ANK3: variants seen among roughly 807,000 people sequenced by gnomAD.
ANK3 encodes the protein ankyrin 3.
ANK3 carries 57 observed loss-of-function variants against 370.9 expected under a neutral mutation model. That is an observed-to-expected ratio of 0.15 (90% CI 0.12 to 0.19). The LOEUF (loss-of-function observed/expected upper bound fraction) is 0.19. Among genes scored for constraint, ANK3 ranks in the 10% least tolerant of loss-of-function variants. The pLI is 1.00. For synonymous variants in ANK3, 1,929 were observed against 1,946.3 expected (o/e 0.99, Z 0.23); for missense variants, 4,439 against 5,302.1 (o/e 0.84, Z 5.06).
chr10:60,601,522 G>A (rs1277584930), intron 2 of ANK3, among the ~76,000 whole-genome samples: 1 of 151,946 alleles, frequency 6.6e-6, no homozygotes, highest in Non-Finnish European at 1.5e-5. Flanking sequence ...AAATTGAGGG[G>A]TATTCAAACC....
intron 43 of ANK3, among the ~76,000 whole-genome samples, chr10:60,038,621 A>C (rs2075550460): frequency 6.6e-6 from 1 of 152,204 alleles, no homozygotes; most frequent in Admixed American, 6.5e-5. Flanking sequence ...AGCATCTATA[A>C]GGAATTTAAA....
Position 60,074,166 on chromosome 10 carries a change from G to C in ANK3, c.6715C>G (p.Arg2239Gly). The change falls in exon 37 of 44, where the codon CGT becomes GGT. Residue 2239 changes from arginine (R) to glycine (G), a missense_variant. Physicochemically the swap from Arg to Gly is moderately radical, Grantham distance 125. This residue lies in a region of ANK3 where 1,601 missense variants were observed against 1,731.7 expected (regional missense o/e 0.92). Transcript: ENST00000280772. ...DHNRVLSKGMRVKEETHITTT... is the reference protein window; with the variant it reads ...DHNRVLSKGMGVKEETHITTT... ...GTTATGTGAGTCTCTTCTTTAACAC[G>C]CATGCCTTTGCTTAAAACCCGATTG... The C allele has an allele frequency of 6.2e-7, 1 of 1,613,940 alleles. No individual in the cohort carries two copies. Among genetic ancestry groups the C allele is most frequent in the Non-Finnish European group, 8.5e-7 (1 of 1,179,974 alleles).
chr10:60,556,223 C>T (rs2077203440), intron 2 of ANK3, among the ~76,000 whole-genome samples: 2 of 152,200 alleles, frequency 1.3e-5, no homozygotes, highest in South Asian at 4.1e-4. Flanking sequence ...ATATCTTAAA[C>T]CTCTGAATTA....
At chr10:60,719,214 A>G (rs2079830106) in intron 1 of ANK3, among the ~76,000 whole-genome samples, 1 of 152,180 alleles carries the variant, frequency 6.6e-6, no homozygotes, top group African/African-American at 2.4e-5. Flanking sequence ...CCATATAATG[A>G]AGAAACCATA....
intron 1 of ANK3, among the ~76,000 whole-genome samples, chr10:60,324,124 C>T (rs72822284): frequency 0.043 from 6,492 of 152,208 alleles, 364 homozygotes; most frequent in African/African-American, 0.13. Context: ...ATGGGAACCA[C>T]CCACTACAGA....
At chr10:60,044,653 C>A (rs536289389) in intron 42 of ANK3, 1 of 152,118 alleles carries the variant, frequency 6.6e-6, no homozygotes, top group African/African-American at 2.4e-5. Flanking sequence ...TATGTTGAGA[C>A]AAATTTTAGC....
intron 1 of ANK3, among the ~76,000 whole-genome samples, chr10:60,629,662 T>A (rs1044232404): frequency 6.6e-6 from 1 of 152,188 alleles, no homozygotes; most frequent in Non-Finnish European, 1.5e-5. Flanking sequence ...ATGTTATGGA[T>A]GCTTTTGTAT....
chr10:60,661,957 A>C (rs1309622585), intron 1 of ANK3, among the ~76,000 whole-genome samples: 1 of 152,208 alleles, frequency 6.6e-6, no homozygotes, highest in Non-Finnish European at 1.5e-5. Context: ...GTCTGGTTCC[A>C]GTTTTAGCTC....
Position 60,452,665 on chromosome 10 carries a change from C to A in ANK3, c.96+162521G>T, listed in dbSNP as rs12244940. On this transcript the variant is annotated intron_variant, in intron 2 of 43. Coordinates refer to the ANK3 transcript ENST00000373827. Reference sequence around the variant, plus strand: ...TTATAAAGATACTCAGAAATTCAAGCTCCATCCAATTATGTGAGTTTTTAC... The same window carrying A: ...TTATAAAGATACTCAGAAATTCAAGATCCATCCAATTATGTGAGTTTTTAC... 7.2e-3 allele frequency among the ~76,000 whole-genome samples: 1,103 copies of A among 152,348 alleles called. 17 individuals are homozygous for A. The highest frequency in any genetic ancestry group is 0.025 in the African/African-American group (1,019 of 41,586).
intron 8 of ANK3, among the ~76,000 whole-genome samples, chr10:60,233,614 T>C (rs1205374938): frequency 2.0e-5 from 3 of 152,100 alleles, no homozygotes; most frequent in African/African-American, 4.8e-5. Flanking sequence ...TTCTCTTTTA[T>C]TGGTAGAGAT....
intron 2 of ANK3, among the ~76,000 whole-genome samples, chr10:60,426,882 C>A (rs1211842796): frequency 6.6e-6 from 1 of 152,104 alleles, no homozygotes; most frequent in Admixed American, 6.6e-5. Flanking sequence ...GTATAGGCAT[C>A]TTAAGGAAGA....
At chr10:60,408,603 G>A (rs554561382) in intron 2 of ANK3, among the ~76,000 whole-genome samples, 1 of 152,220 alleles carries the variant, frequency 6.6e-6, no homozygotes, top group African/African-American at 2.4e-5. Flanking sequence ...ATAGCAACAT[G>A]AGAATGAACT....
chr10:60,664,317 A>T (rs2078971358), intron 1 of ANK3, among the ~76,000 whole-genome samples: 1 of 152,290 alleles, frequency 6.6e-6, no homozygotes, highest in Non-Finnish European at 1.5e-5. Flanking sequence ...AATAATAGTT[A>T]TCACATTCTG....
At chr10:60,056,565 G>C (rs985434187) in intron 41 of ANK3, among the ~76,000 whole-genome samples, 1 of 152,148 alleles carries the variant, frequency 6.6e-6, no homozygotes, top group African/African-American at 2.4e-5. Context: ...TTGCCAAATT[G>C]CCTAGCTATG....
intron 2 of ANK3, among the ~76,000 whole-genome samples, chr10:60,490,062 G>T (rs1264087084): frequency 6.6e-6 from 1 of 152,136 alleles, no homozygotes; most frequent in East Asian, 1.9e-4. Context: ...ACTGCCTTCT[G>T]CTGCTCTCCC....
chr10:60,063,926 C>T (rs1225283173), intron 39 of ANK3, among the ~76,000 whole-genome samples: 3 of 152,120 alleles, frequency 2.0e-5, no homozygotes, highest in Non-Finnish European at 4.4e-5. Flanking sequence ...GCGAAAAATT[C>T]CCTGCTACTT....
At chr10:60,228,870 G>A (rs1201483413) in intron 8 of ANK3, among the ~76,000 whole-genome samples, 3 of 152,110 alleles carry the variant, frequency 2.0e-5, no homozygotes, top group South Asian at 4.1e-4. Flanking sequence ...AAACTGTCCT[G>A]AGCCTATTTT....
intron 23 of ANK3, among the ~76,000 whole-genome samples, chr10:60,148,935 A>T (rs2132241308): frequency 6.6e-6 from 1 of 152,294 alleles, no homozygotes. Context: ...AGACTGCATT[A>T]TTCTCACCTC....
At chr10:60,648,134 T>G (rs1266865647) in intron 1 of ANK3, among the ~76,000 whole-genome samples, 1 of 134,400 alleles carries the variant, frequency 7.4e-6, no homozygotes, top group Non-Finnish European at 1.6e-5. Context: ...CGTGAGCCAC[T>G]GCGGCCAGCC....
Sources: gnomAD v4.1 joint callset for allele counts (sites outside exome capture counted in the v4.1 genomes callset) on GRCh38, gnomAD v4.1.1 for gene constraint, gnomAD v4.1.1 regional missense constraint, MANE v1.5 for transcripts, NCBI Gene and HGNC (gene_info 2026-07-23, HGNC 2026-07-21) for gene names.